DPH6: variants seen among roughly 807,000 people sequenced by gnomAD.
DPH6 encodes diphthamine biosynthesis 6.
A neutral mutation model predicts 38.2 loss-of-function variants in DPH6; 33 were observed. The observed-to-expected ratio is 0.86, with a 90% CI of 0.65 to 1.15. The LOEUF is 1.15. Among genes scored for constraint, DPH6 ranks in the 50% most tolerant of loss-of-function variants. The pLI, the probability that DPH6 is intolerant of heterozygous loss-of-function variation, is 0.00. For synonymous variants in DPH6, 108 were observed against 103.0 expected, an observed-to-expected ratio of 1.05 and a Z score of -0.30; for missense variants, 325 against 320.0, an observed-to-expected ratio of 1.02 and a Z score of -0.12.
At chr15:35,466,695 A>G (rs2054130597) in intron 3 of DPH6, among the ~76,000 whole-genome samples, 1 of 152,192 alleles carries the variant, frequency 6.6e-6, no homozygotes, top group Admixed American at 6.5e-5. Context: ...TATTTATATA[A>G]ATGTAGATGG....
the DPH6 span, among the ~76,000 whole-genome samples, chr15:35,190,255 C>G: frequency 6.6e-6 from 1 of 152,196 alleles, no homozygotes; most frequent in Non-Finnish European, 1.5e-5. Context: ...GCCGATTTAT[C>G]AAGACAGAGG....
chr15:35,299,533 G>A, intron 3 of DPH6: 2 of 599,874 alleles, frequency 3.3e-6, no homozygotes, highest in Admixed American at 2.7e-5. Flanking sequence ...AGCCAACGGC[G>A]GCACCACCCT....
intron 6 of DPH6, among the ~76,000 whole-genome samples, chr15:35,388,633 G>A (rs1175759664): frequency 1.3e-5 from 2 of 152,180 alleles, no homozygotes; most frequent in Non-Finnish European, 2.9e-5. Context: ...TTGCATAGAG[G>A]TGTTTATAGT....
At chr15:35,246,419 T>C (rs1422721672) in intron 3 of DPH6, among the ~76,000 whole-genome samples, 2 of 152,236 alleles carry the variant, frequency 1.3e-5, no homozygotes, top group African/African-American at 4.8e-5. Flanking sequence ...ATCCAAATGA[T>C]AATTTGGATA....
exon 4 of DPH6, chr15:35,219,163 A>G (rs555093515): frequency 1.3e-5 from 2 of 152,318 alleles, no homozygotes; most frequent in Non-Finnish European, 2.9e-5. Context: ...GCATCCTTTT[A>G]TGTGCTCTGT....
At chr15:35,295,989 G>C (rs148115422) in intron 3 of DPH6, among the ~76,000 whole-genome samples, 1 of 151,796 alleles carries the variant, frequency 6.6e-6, no homozygotes, top group African/African-American at 2.4e-5. Flanking sequence ...AGGCAGGCTG[G>C]AGTGCAGTGG....
chr15:35,416,933 G>T (rs1318625570), intron 5 of DPH6, among the ~76,000 whole-genome samples: 1 of 151,970 alleles, frequency 6.6e-6, no homozygotes, highest in Non-Finnish European at 1.5e-5. Flanking sequence ...ATTATGCACC[G>T]GGTGATATTA....
the DPH6 span, among the ~76,000 whole-genome samples, chr15:35,191,759 T>G: frequency 6.6e-6 from 1 of 151,886 alleles, no homozygotes; most frequent in African/African-American, 2.4e-5. Flanking sequence ...CTCAGACAAT[T>G]GACTGAAACT....
chr15:35,263,668 G>A (rs1360806313), intron 3 of DPH6, among the ~76,000 whole-genome samples: 1 of 151,580 alleles, frequency 6.6e-6, no homozygotes, highest in Non-Finnish European at 1.5e-5. Context: ...CTCCCAAATT[G>A]TTGGGATTAC....
the DPH6 span, among the ~76,000 whole-genome samples, chr15:35,187,705 G>A: frequency 6.6e-6 from 1 of 152,224 alleles, no homozygotes; most frequent in East Asian, 1.9e-4. Flanking sequence ...TAGAATTCAG[G>A]CTGGCTGCAA....
downstream of DPH6, among the ~76,000 whole-genome samples, chr15:35,368,424 C>A (rs1050535943): frequency 6.6e-6 from 1 of 151,804 alleles, no homozygotes; most frequent in Non-Finnish European, 1.5e-5. Context: ...TAATTTTATT[C>A]ACTTAGAAAA....
At chr15:35,364,618 T>C (rs1484646953) in intron 3 of DPH6, among the ~76,000 whole-genome samples, 1 of 152,138 alleles carries the variant, frequency 6.6e-6, no homozygotes, top group African/African-American at 2.4e-5. Context: ...TTTGATTTCA[T>C]TGACTACTGT....
At chr15:35,536,256 T>G (rs1595452265) in intron 3 of DPH6, among the ~76,000 whole-genome samples, 2 of 152,164 alleles carry the variant, frequency 1.3e-5, no homozygotes, top group East Asian at 3.9e-4. Context: ...AAAAGCCTAG[T>G]TATACAATCA....
intron 3 of DPH6, among the ~76,000 whole-genome samples, chr15:35,358,998 T>A (rs1477113528): frequency 6.6e-6 from 1 of 151,990 alleles, no homozygotes; most frequent in Non-Finnish European, 1.5e-5. Context: ...GGAAGGACCA[T>A]TAGGTGAGGG....
chr15:35,206,998 A>T, the DPH6 span, among the ~76,000 whole-genome samples: 1 of 150,412 alleles, frequency 6.6e-6, no homozygotes, highest in African/African-American at 2.4e-5. Flanking sequence ...GAAACACAAG[A>T]TAATACTTAA....
chr15:35,345,445 A>G (rs1357736297), intron 3 of DPH6, among the ~76,000 whole-genome samples: 3 of 151,864 alleles, frequency 2.0e-5, no homozygotes, highest in Non-Finnish European at 4.4e-5. Context: ...GAAAAGCTTT[A>G]CCATCATTTT....
At chr15:35,463,724 A>C (rs1388649719) in intron 3 of DPH6, among the ~76,000 whole-genome samples, 1 of 152,138 alleles carries the variant, frequency 6.6e-6, no homozygotes, top group Non-Finnish European at 1.5e-5. Flanking sequence ...TATTTTAAGT[A>C]TTTTTACAAC....
At chr15:35,231,146 T>C (rs1006780497) in intron 3 of DPH6, among the ~76,000 whole-genome samples, 1 of 152,216 alleles carries the variant, frequency 6.6e-6, no homozygotes, top group East Asian at 1.9e-4. Flanking sequence ...CAGAGCACTG[T>C]AGACTGTGGT....
chr15:35,225,659 A>C (rs2051475537), intron 3 of DPH6, among the ~76,000 whole-genome samples: 1 of 152,172 alleles, frequency 6.6e-6, no homozygotes, highest in South Asian at 2.1e-4. Context: ...CCATTTCTTC[A>C]AAAAGTCCAG....
Sources: allele counts gnomAD v4.1 joint callset (sites outside exome capture counted in the v4.1 genomes callset), GRCh38; gene constraint gnomAD v4.1.1; transcripts MANE v1.5; gene names NCBI Gene and HGNC (gene_info 2026-07-23, HGNC 2026-07-21).